HYDIN: variants seen among roughly 807,000 people sequenced by gnomAD.
The protein encoded by HYDIN is HYDIN axonemal central pair apparatus protein.
A neutral mutation model predicts 403.9 loss-of-function variants in HYDIN; 132 were observed. That is an observed-to-expected ratio of 0.33 (90% CI 0.28 to 0.38). The LOEUF (loss-of-function observed/expected upper bound fraction) is 0.38, where lower values mean the gene tolerates loss of function less well. HYDIN is among the 10% of genes least tolerant of loss of function. HYDIN has a pLI of 1.00. For missense variants in HYDIN, 2,827 were observed against 5,009.5 expected, an observed-to-expected ratio of 0.56 and a Z score of 13.15; for synonymous variants, 1,202 against 1,891.7, an observed-to-expected ratio of 0.64 and a Z score of 9.46.
At chr16:70,811,675 T>A (rs2035512227) in intron 84 of HYDIN, among the ~76,000 whole-genome samples, 2 of 151,024 alleles carry the variant, frequency 1.3e-5, no homozygotes, top group South Asian at 4.2e-4. Flanking sequence ...CTGACCAACA[T>A]GGAGAAACCC....
chr16:70,813,707 C>G (rs1452819136), intron 84 of HYDIN, among the ~76,000 whole-genome samples: 3 of 151,700 alleles, frequency 2.0e-5, no homozygotes, highest in Admixed American at 2.0e-4. Flanking sequence ...TTTTTCTTTT[C>G]TTTTTATTTT....
chr16:71,199,250 G>A (rs2087863507), intron 1 of HYDIN, among the ~76,000 whole-genome samples: 1 of 152,174 alleles, frequency 6.6e-6, no homozygotes, highest in African/African-American at 2.4e-5. Context: ...TCAGTTAAAT[G>A]TTTTTACAAA....
Position 71,204,876 on chromosome 16 carries a change from T to C in HYDIN, c.-23-17958A>G, listed in dbSNP as rs561169203. On this transcript the variant is annotated intron_variant, in intron 1 of 85. Coordinates refer to ENST00000393567, the MANE Select transcript of HYDIN (RefSeq NM_001270974.2). ...AAGTGAAGAGGACTTCCACTTCTAGTAATGGCAACTAACAGTTGAACCAAC... is the reference window on the plus strand; with the variant it reads ...AAGTGAAGAGGACTTCCACTTCTAGCAATGGCAACTAACAGTTGAACCAAC... Among the ~76,000 whole-genome samples the C allele has an allele frequency of 2.3e-3, 346 of 152,204 alleles. 3 individuals are homozygous for C. The highest frequency in any genetic ancestry group is 4.0e-3 in the Non-Finnish European group (274 of 68,022).
intron 4 of HYDIN, among the ~76,000 whole-genome samples, chr16:71,177,748 C>T (rs1409091968): frequency 6.6e-6 from 1 of 152,196 alleles, no homozygotes; most frequent in East Asian, 1.9e-4. Context: ...CCCATCTCTC[C>T]AATGCCTTCC....
intron 23 of HYDIN, among the ~76,000 whole-genome samples, chr16:71,016,251 A>G (rs1415149852): frequency 6.6e-6 from 1 of 151,840 alleles, no homozygotes; most frequent in Non-Finnish European, 1.5e-5. Context: ...TCCAAAATAC[A>G]TAAGAACTCC....
At chr16:71,213,947 G>A (rs974639026) in intron 1 of HYDIN, among the ~76,000 whole-genome samples, 1 of 151,756 alleles carries the variant, frequency 6.6e-6, no homozygotes, top group Admixed American at 6.6e-5. Flanking sequence ...TCTAATGCTG[G>A]AAGACAAAAA....
intron 76 of HYDIN, among the ~76,000 whole-genome samples, chr16:70,839,551 A>G: frequency 6.7e-6 from 1 of 149,316 alleles, no homozygotes; most frequent in Non-Finnish European, 1.5e-5. Context: ...TAAAGTACTG[A>G]TAGATAGCTT....
In HYDIN at chr16:70,926,502, C is replaced by A. The variant is rs1319401721; in HGVS notation, c.7159-5285G>T. On this transcript the variant is annotated intron_variant, in intron 45 of 85. Transcript: ENST00000393567. ...GGGAGGGATAGCATTAGGAGATATA[C>A]CTAATGCTAAATGACGAGTTAATGG... Among the ~76,000 whole-genome samples the A allele has an allele frequency of 2.0e-5, 3 of 152,034 alleles. No homozygotes were observed. The East Asian group carries it at 5.8e-4, about 29-fold the overall frequency.
intron 39 of HYDIN, among the ~76,000 whole-genome samples, chr16:70,955,923 AT>A (rs2078221500): frequency 6.6e-6 from 1 of 151,958 alleles, no homozygotes; most frequent in Non-Finnish European, 1.5e-5. Context: ...GTTTCAAGTG[AT>A]TCTCCTGCCT....
chr16:71,043,545 G>C (rs1568046150), intron 18 of HYDIN, among the ~76,000 whole-genome samples: 1 of 149,276 alleles, frequency 6.7e-6, no homozygotes, highest in Non-Finnish European at 1.5e-5. Context: ...TAAACTTCTG[G>C]CATTATATTT....
At chr16:71,175,892 T>C in intron 4 of HYDIN, 151 bp from the exon 5 acceptor site, 1 of 741,650 alleles carries the variant, frequency 1.3e-6, no homozygotes, top group Non-Finnish European at 2.4e-6. Context: ...ATAGTACTTA[T>C]CTTTATCCCA....
chr16:70,967,788 T>C (rs117719401), intron 36 of HYDIN, among the ~76,000 whole-genome samples: 1 of 152,052 alleles, frequency 6.6e-6, no homozygotes, highest in Non-Finnish European at 1.5e-5. Flanking sequence ...GGTTTTGCTA[T>C]GTTGCCCAGG....
At chr16:71,085,123 T>G (rs952498615) in intron 12 of HYDIN, among the ~76,000 whole-genome samples, 1 of 97,724 alleles carries the variant, frequency 1.0e-5, no homozygotes, top group African/African-American at 4.3e-5. Flanking sequence ...ATAAAATGAG[T>G]TGAAAAGTGT....
chr16:71,112,720 A>C (rs1269544364), intron 10 of HYDIN, among the ~76,000 whole-genome samples: 2 of 151,684 alleles, frequency 1.3e-5, no homozygotes, highest in Non-Finnish European at 1.5e-5. Context: ...TGTAAGAAGA[A>C]GACTTAACAG....
intron 53 of HYDIN, among the ~76,000 whole-genome samples, chr16:70,897,527 A>G (rs2076239723): frequency 6.6e-6 from 1 of 150,522 alleles, no homozygotes; most frequent in Non-Finnish European, 1.5e-5. Context: ...GACAGATGAC[A>G]AGGTGGGCTG....
intron 5 of HYDIN, among the ~76,000 whole-genome samples, chr16:71,165,745 G>C (rs967929437): frequency 4.6e-5 from 7 of 151,916 alleles, no homozygotes; most frequent in African/African-American, 7.3e-5. Context: ...TGAGGGGGAG[G>C]GGGGCGGTCA....
At chr16:70,956,984 A>G (rs556092484) in intron 39 of HYDIN, among the ~76,000 whole-genome samples, 2 of 144,768 alleles carry the variant, frequency 1.4e-5, no homozygotes, top group South Asian at 4.6e-4. Context: ...TAAAATATAC[A>G]TAACAGTTGT....
At position 70,964,698 on chromosome 16, in the gene HYDIN, C is replaced by A. The variant is rs768493686; in HGVS notation, c.5788+30G>T. On this transcript the variant is annotated intron_variant, in intron 37 of 85. Transcript: ENST00000393567. ...TCAGAGGGGCAAAGGCAATGGTTAG[C>A]ATGAGGTGTTCTCCACATTGAGTTC... 1.3e-5 allele frequency: 21 copies of A among 1,612,334 alleles called. 1 individual carries two copies. In the South Asian group the frequency reaches 2.3e-4, roughly 18 times the overall value.
chr16:71,062,770 C>T (rs1414607164), intron 16 of HYDIN: 1 of 153,988 alleles, frequency 6.5e-6, no homozygotes, highest in Admixed American at 6.4e-5. Flanking sequence ...GTCCTTTGCA[C>T]TTGTGGTGAC....
Sources: allele counts gnomAD v4.1 joint callset (sites outside exome capture counted in the v4.1 genomes callset), GRCh38; gene constraint gnomAD v4.1.1; transcripts MANE v1.5; gene names NCBI Gene and HGNC (gene_info 2026-07-23, HGNC 2026-07-21).